PSMA5: variants seen among roughly 807,000 people sequenced by gnomAD.
The protein encoded by PSMA5 is proteasome 20S subunit alpha 5, also known as proteasome subunit alpha type-5.
Under a neutral mutation model 34.5 loss-of-function variants are expected in PSMA5, and 3 were observed. That is an observed-to-expected ratio of 0.09 (90% confidence interval 0.04 to 0.22). The LOEUF (loss-of-function observed/expected upper bound fraction) is 0.22, where lower values mean the gene tolerates loss of function less well. Ranked by LOEUF, PSMA5 falls within the 10% of genes least tolerant of loss-of-function variation. The pLI is 1.00. For synonymous variants in PSMA5, 88 were observed against 95.8 expected, an observed-to-expected ratio of 0.92 and a Z score of 0.47; for missense variants, 120 against 286.1, an observed-to-expected ratio of 0.42 and a Z score of 4.19.
intron 7 of PSMA5, 34 bp from the exon 8 acceptor site, chr1:109,410,048 A>T (rs1653931301): frequency 7.6e-7 from 1 of 1,309,510 alleles, no homozygotes; most frequent in Admixed American, 1.9e-5. Flanking sequence ...ATGCCTATTA[A>T]TTATGCACAA....
At chr1:109,425,235 G>A (rs1424435112) in intron 1 of PSMA5, 1 of 152,214 alleles carries the variant, frequency 6.6e-6, no homozygotes, top group Non-Finnish European at 1.5e-5. Flanking sequence ...AGAAAAATAA[G>A]TAACAAAGCA....
intron 1 of PSMA5, among the ~76,000 whole-genome samples, chr1:109,423,101 G>A (rs780919969): frequency 2.4e-4 from 37 of 152,336 alleles, no homozygotes; most frequent in Admixed American, 1.1e-3. Flanking sequence ...GTTGCAATCC[G>A]TGGTTTATGG....
chr1:109,409,651 C>T (rs1049721258), intron 8 of PSMA5, among the ~76,000 whole-genome samples: 5 of 152,188 alleles, frequency 3.3e-5, no homozygotes, highest in African/African-American at 1.2e-4. Flanking sequence ...CAGTGGCTCT[C>T]ACCTATAGTC....
intron 2 of PSMA5, among the ~76,000 whole-genome samples, chr1:109,421,388 G>A (rs778371377): frequency 6.6e-6 from 1 of 151,338 alleles, no homozygotes; most frequent in Non-Finnish European, 1.5e-5. Flanking sequence ...ACTTGAACCC[G>A]AGGGGCGGAG....
At chr1:109,420,662 T>C (rs1006884855) in intron 2 of PSMA5, among the ~76,000 whole-genome samples, 1 of 152,318 alleles carries the variant, frequency 6.6e-6, no homozygotes, top group Admixed American at 6.5e-5. Context: ...AGTATACTGA[T>C]CTTGAATCCC....
rs1161655675 is a variant in PSMA5 at position 109,401,889 on chromosome 1, A to G, written c.*124T>C. ...CTTTATTTCAGAACTGCCTTTATGT[A>G]CAGACATCATTTAAAAAATGCACAT... On this transcript the variant is annotated 3_prime_UTR_variant, in exon 9 of 9. Transcript: ENST00000271308. 4.3e-6 allele frequency: 3 copies of G among 705,628 alleles called. No individual in the cohort carries two copies. The highest frequency in any genetic ancestry group is 7.1e-6 in the Non-Finnish European group (3 of 421,700). 43.7% of individuals were successfully genotyped at this position (705,628 alleles called of 1,614,324 possible). A position where few individuals can be genotyped will look rare whatever the true frequency, so the allele number is the denominator to read the frequency against.
chr1:109,410,138 T>C (rs959210453), intron 7 of PSMA5, 124 bp from the exon 8 acceptor site: 1 of 670,156 alleles, frequency 1.5e-6, no homozygotes, highest in African/African-American at 1.8e-5. Context: ...TTACTTAGTA[T>C]GGTGCATTAC....
At chr1:109,422,235 C>G (rs1054334794) in intron 1 of PSMA5, among the ~76,000 whole-genome samples, 1 of 152,208 alleles carries the variant, frequency 6.6e-6, no homozygotes, top group Non-Finnish European at 1.5e-5. Flanking sequence ...CTTACCAGTT[C>G]CTTTGGTAAG....
rs570265166 is a variant in PSMA5 at position 109,400,540 on chromosome 1, C to T, written c.*1473G>A. The T allele has an allele frequency of 6.6e-6, 1 of 152,196 alleles. No individual in the cohort carries two copies. The highest frequency in any genetic ancestry group is 1.5e-5 in the Non-Finnish European group (1 of 68,020). 9.4% of individuals were successfully genotyped at this position (152,196 alleles called of 1,614,324 possible). ...TGATCTTTAGAGAAACAAATCTCCC[C>T]ATCAACATGCTATACTTAATAAGTG... On this transcript the variant is annotated 3_prime_UTR_variant, in exon 9 of 9. Coordinates refer to ENST00000271308, the MANE Select transcript of PSMA5 (RefSeq NM_002790.4).
chr1:109,410,657 A>G (rs1653952266), intron 7 of PSMA5, among the ~76,000 whole-genome samples: 1 of 152,252 alleles, frequency 6.6e-6, no homozygotes, highest in African/African-American at 2.4e-5. Flanking sequence ...CATCCATACC[A>G]TGGTATATTA....
intron 8 of PSMA5, among the ~76,000 whole-genome samples, chr1:109,407,705 A>C (rs1468595097): frequency 6.6e-6 from 1 of 152,006 alleles, no homozygotes; most frequent in Non-Finnish European, 1.5e-5. Flanking sequence ...GCTGGAGTGC[A>C]ATCTCAGCTC....
At chr1:109,408,637 C>G (rs564488580) in intron 8 of PSMA5, among the ~76,000 whole-genome samples, 2 of 152,148 alleles carry the variant, frequency 1.3e-5, no homozygotes, top group South Asian at 2.1e-4. Flanking sequence ...TGTACCATGC[C>G]TTACCTCTTC....
At chr1:109,415,581 TTC>T (rs1048371379) in intron 2 of PSMA5, among the ~76,000 whole-genome samples, 2 of 152,310 alleles carry the variant, frequency 1.3e-5, no homozygotes, top group Non-Finnish European at 2.9e-5. Flanking sequence ...TTCTAAAAAG[TTC>T]TTTTTTCTCC....
intron 1 of PSMA5, chr1:109,426,069 T>C: frequency 1.7e-6 from 1 of 591,250 alleles, no homozygotes; most frequent in Non-Finnish European, 3.0e-6. Flanking sequence ...CCGGAGCTTC[T>C]CGCTTCCGCA....
rs1259401358 is a variant in PSMA5, at chr1:109,399,155, CCA to C, written c.*2856_*2857del. 6.6e-6 allele frequency: 1 copy of C among 152,146 alleles called. No homozygotes were observed. The highest frequency in any genetic ancestry group is 1.5e-5 in the Non-Finnish European group (1 of 68,026). 9.4% of individuals were successfully genotyped at this position (152,146 alleles called of 1,614,324 possible). ...ACCCGATATTTACATTAAAATATTTCCAGTCACATTAACTTTCAAACAAAAAG... is the reference window on the plus strand; with the variant it reads ...ACCCGATATTTACATTAAAATATTTCGTCACATTAACTTTCAAACAAAAAG... On this transcript the variant is annotated 3_prime_UTR_variant, in exon 9 of 9. Transcript: ENST00000271308.
chr1:109,417,096 C>T (rs902356320), intron 2 of PSMA5, among the ~76,000 whole-genome samples: 2 of 152,130 alleles, frequency 1.3e-5, no homozygotes, highest in African/African-American at 4.8e-5. Context: ...CAGAGTGAGA[C>T]CCCATCTCAA....
intron 2 of PSMA5, among the ~76,000 whole-genome samples, chr1:109,417,467 A>G (rs1654255851): frequency 6.6e-6 from 1 of 152,262 alleles, no homozygotes; most frequent in African/African-American, 2.4e-5. Flanking sequence ...TTTAAGAAAC[A>G]GATTCCCGGA....
At chr1:109,419,930 G>A (rs1200601005) in intron 2 of PSMA5, among the ~76,000 whole-genome samples, 3 of 148,474 alleles carry the variant, frequency 2.0e-5, no homozygotes, top group Non-Finnish European at 4.4e-5. Flanking sequence ...CCTGAGATGC[G>A]CCACTGCATT....
At chr1:109,419,583 T>A (rs1654353242) in intron 2 of PSMA5, among the ~76,000 whole-genome samples, 1 of 151,948 alleles carries the variant, frequency 6.6e-6, no homozygotes, top group South Asian at 2.1e-4. Context: ...GGCAGGTGGA[T>A]CACAGGGTCA....
Sources: gnomAD v4.1 joint callset for allele counts (sites outside exome capture counted in the v4.1 genomes callset) on GRCh38, gnomAD v4.1.1 for gene constraint, MANE v1.5 for transcripts, NCBI Gene and HGNC (gene_info 2026-07-23, HGNC 2026-07-21) for gene names.